GNA11: variants seen among roughly 807,000 people sequenced by gnomAD.
GNA11 encodes guanine nucleotide-binding protein subunit alpha-11.
A neutral mutation model predicts 38.2 loss-of-function variants in GNA11; 8 were observed. That is an observed-to-expected ratio of 0.21 (90% CI 0.12 to 0.38). The LOEUF (loss-of-function observed/expected upper bound fraction) is 0.38. Among genes scored for constraint, GNA11 ranks in the 10% least tolerant of loss-of-function variants. GNA11 has a pLI of 1.00. For missense variants in GNA11, 268 were observed against 516.3 expected (o/e 0.52, Z 4.66); for synonymous variants, 211 against 221.4 (o/e 0.95, Z 0.42).
In GNA11 at chr19:3,114,989, C is replaced by T. The variant is rs1329989088; in HGVS notation, c.522C>T (p.Pro174=). The T allele has an allele frequency of 3.7e-6, 6 of 1,612,902 alleles. No homozygotes were observed. The highest frequency in any genetic ancestry group is 1.1e-5 in the South Asian group (1 of 91,066). ...VDRIATLGYL[P]TQQDVLRVRV... ...GCATCGCCACCTTGGGCTACCTGCC[C>T]ACCCAGCAGGACGTGCTGCGGGTCC... Residue 174 remains proline (P), a synonymous_variant, in exon 4 of 7, where the codon CCC becomes CCT. Transcript: ENST00000078429.
chr19:3,115,127 G>T (rs926240701), intron 4 of GNA11, 55 bp downstream of exon 4: 2 of 1,579,316 alleles, frequency 1.3e-6, no homozygotes, highest in South Asian at 2.3e-5. Flanking sequence ...TCATTTGCCC[G>T]GTGTGCCGGC....
rs1176027072 is a variant in GNA11, at chr19:3,110,355, G to C, written c.321+22G>C. The C allele has an allele frequency of 1.3e-6, 2 of 1,592,382 alleles. No individual in the cohort carries two copies. The highest frequency in any genetic ancestry group is 2.7e-5 in the African/African-American group (2 of 74,634). On this transcript the variant is annotated intron_variant, in intron 2 of 6. Transcript: ENST00000078429. The surrounding 1 kb of genome is among the most constrained non-coding windows in gnomAD (Gnocchi z 5.4). ...CAAGGTGAGCCCGCGGGCGCCTGGGGAGGGGAGCGCCTGGGCAGCTGTGGG... is the reference window on the plus strand; with the variant it reads ...CAAGGTGAGCCCGCGGGCGCCTGGGCAGGGGAGCGCCTGGGCAGCTGTGGG...
rs41276844 is a variant in GNA11, at chr19:3,110,346, G to A, written c.321+13G>A. 30 of 1,597,106 alleles carry A rather than the reference G, an allele frequency of 1.9e-5. No homozygotes were observed. The highest frequency in any genetic ancestry group is 2.5e-5 in the Non-Finnish European group (29 of 1,169,518). ...CGAGCAGAACAAGGTGAGCCCGCGG[G>A]CGCCTGGGGAGGGGAGCGCCTGGGC... is the stretch of plus-strand genomic sequence containing the variant. On this transcript the variant is annotated intron_variant, in intron 2 of 6. Transcript: ENST00000078429. This position sits in a 1 kb window ranked among gnomAD's most constrained non-coding sequence, Gnocchi z 5.4.
chr19:3,102,953 C>T, intron 1 of GNA11, among the ~76,000 whole-genome samples: 1 of 152,248 alleles, frequency 6.6e-6, no homozygotes, highest in Non-Finnish European at 1.5e-5. Context: ...GTGTATCCCC[C>T]AGGTGGGGCC....
chr19:3,116,257 C>T (rs1301506189), intron 4 of GNA11, among the ~76,000 whole-genome samples: 3 of 152,190 alleles, frequency 2.0e-5, no homozygotes, highest in South Asian at 2.1e-4. Context: ...CATATAACAT[C>T]TCCAGCGCTG....
At chr19:3,102,129 C>CA (rs373790541) in intron 1 of GNA11, among the ~76,000 whole-genome samples, 9,011 of 147,752 alleles carry the variant, frequency 0.061, 415 homozygotes, top group South Asian at 0.15. Context: ...ACAAAACAAA[C>CA]AAAAAAAAAA....
Position 3,115,116 on chromosome 19 carries a change from C to T in GNA11, c.605+44C>T, listed in dbSNP as rs751411584. 6.3e-6 allele frequency: 10 copies of T among 1,593,006 alleles called. No individual in the cohort carries two copies. In the South Asian group the frequency reaches 1.0e-4, roughly 16 times the overall value. Reference sequence around the variant, plus strand: ...CAGGCGGGGAGGGGGCACTGAGAGGCTCATTTGCCCGGTGTGCCGGCTCAT... The same window carrying T: ...CAGGCGGGGAGGGGGCACTGAGAGGTTCATTTGCCCGGTGTGCCGGCTCAT... On this transcript the variant is annotated intron_variant, in intron 4 of 6. Transcript: ENST00000078429.
intron 4 of GNA11, among the ~76,000 whole-genome samples, chr19:3,116,918 C>T (rs1213981219): frequency 6.6e-6 from 1 of 152,162 alleles, no homozygotes; most frequent in Non-Finnish European, 1.5e-5. Flanking sequence ...GGGGGTGCCA[C>T]CCCCTGCCAT....
chr19:3,104,622 A>T (rs935542813), intron 1 of GNA11, among the ~76,000 whole-genome samples: 1 of 152,186 alleles, frequency 6.6e-6, no homozygotes, highest in African/African-American at 2.4e-5. Context: ...GACATGAGGG[A>T]TCCAGCACTG....
In GNA11 at chr19:3,100,928, C is replaced by T. The variant is rs185794823; in HGVS notation, c.136+6141C>T. On this transcript the variant is annotated intron_variant, in intron 1 of 6. Coordinates refer to ENST00000078429, the MANE Select transcript of GNA11 (RefSeq NM_002067.5). ...GCCCTTCCTGCTGGCTGCTTTGCAC[C>T]GAAAAGCTGCGGAGTAACCCTGGGC... is the stretch of plus-strand genomic sequence containing the variant. 1.7e-3 allele frequency among the ~76,000 whole-genome samples: 256 copies of T among 152,240 alleles called. 1 individual carries two copies. The highest frequency in any genetic ancestry group is 3.7e-3 in the Admixed American group (57 of 15,290).
chr19:3,123,256 C>T lies in GNA11; in HGVS notation c.*2077C>T, dbSNP rs554597160. 4.3e-6 allele frequency: 1 copy of T among 233,246 alleles called. No individual in the cohort carries two copies. The highest frequency in any genetic ancestry group is 8.5e-6 in the Non-Finnish European group (1 of 118,114). 14.4% of individuals were successfully genotyped at this position (233,246 alleles called of 1,614,324 possible). On this transcript the variant is annotated 3_prime_UTR_variant, in exon 7 of 7. Coordinates refer to ENST00000078429, the MANE Select transcript of GNA11 (RefSeq NM_002067.5). ...GGGCGCTGCGGGGCTAAGTATTAGG[C>T]CTTCCCAGGGAGGGGGCGTGCCAAG...
rs752848608 is a variant in GNA11 at position 3,113,456 on chromosome 19, G to C, written c.448G>C (p.Glu150Gln). The change falls in exon 3 of 7, where the codon GAG (glutamate) becomes CAG (glutamine). Residue 150 changes from glutamate to glutamine, a missense_variant. Around this residue, in one of 3 missense-constraint regions of GNA11, gnomAD observed 151 missense variants for 254.0 expected, o/e 0.59. Transcript: ENST00000078429. Reference protein sequence around the residue: ...GIQECYDRRREYQLSDSAKYY... With the variant: ...GIQECYDRRRQYQLSDSAKYY... ...CCAGGAATGCTACGACCGCAGGCGC[G>C]AGTACCAGCTCTCCGACTCTGCCAA... 6.2e-7 allele frequency: 1 copy of C among 1,610,200 alleles called. No homozygotes were observed.
rs546293036 is a variant in GNA11 at position 3,099,071 on chromosome 19, C to T, written c.136+4284C>T. On this transcript the variant is annotated intron_variant, in intron 1 of 6. Transcript: ENST00000078429. The stretch of plus-strand genomic sequence containing the variant: ...AGTGCTTTCCTCCGAGATTTAACCA[C>T]GAGAGGTTTCACTTTCTGAGTCTTG... Among the ~76,000 whole-genome samples the T allele has an allele frequency of 1.6e-4, 25 of 152,294 alleles. No individual in the cohort carries two copies. The South Asian group carries it at 3.3e-3, about 20-fold the overall frequency.
intron 1 of GNA11, among the ~76,000 whole-genome samples, chr19:3,107,014 A>G (rs1913655849): frequency 6.6e-6 from 1 of 152,210 alleles, no homozygotes; most frequent in Non-Finnish European, 1.5e-5. Flanking sequence ...AGGCAGGTAG[A>G]TCACCTGAGG....
At chr19:3,104,248 C>T (rs999750731) in intron 1 of GNA11, among the ~76,000 whole-genome samples, 3 of 152,250 alleles carry the variant, frequency 2.0e-5, no homozygotes, top group Non-Finnish European at 4.4e-5. Context: ...GCACGGACTT[C>T]GTTCCTCCTG....
At chr19:3,096,497 C>T (rs1318690372) in intron 1 of GNA11, among the ~76,000 whole-genome samples, 3 of 152,220 alleles carry the variant, frequency 2.0e-5, no homozygotes, top group African/African-American at 7.2e-5. Context: ...ACCCCCGCCG[C>T]CATCCCTGCA....
chr19:3,111,589 T>C (rs1913777248), intron 2 of GNA11, among the ~76,000 whole-genome samples: 1 of 152,234 alleles, frequency 6.6e-6, no homozygotes. Flanking sequence ...AGTGCCTTCA[T>C]GTGTGGGCTG....
At position 3,120,916 on chromosome 19, in the gene GNA11, G is replaced by A. The variant is rs529305245; in HGVS notation, c.890-73G>A. 6.9e-6 allele frequency: 8 copies of A among 1,156,540 alleles called. No homozygotes were observed. The East Asian group carries it at 1.2e-4, about 17-fold the overall frequency. The allele number at this position is 1,156,540 out of a possible 1,614,324, so 71.6% of individuals were successfully genotyped here. A position where few individuals can be genotyped will look rare whatever the true frequency, so the allele number is the denominator to read the frequency against. Reference sequence around the variant, plus strand: ...GGCCTTACTCGCTCATCCCCTGGGAGTGACAAAGGGGCCCACGAGTCCCTT... The same window carrying A: ...GGCCTTACTCGCTCATCCCCTGGGAATGACAAAGGGGCCCACGAGTCCCTT... On this transcript the variant is annotated intron_variant, in intron 6 of 6. Transcript: ENST00000078429. The surrounding 1 kb of genome is among the most constrained non-coding windows in gnomAD (Gnocchi z 5.9).
chr19:3,118,358 G>A (rs1913976936), intron 4 of GNA11: 1 of 152,866 alleles, frequency 6.5e-6, no homozygotes, highest in African/African-American at 2.4e-5. Flanking sequence ...CCTGTGCGTG[G>A]CCTGAGAGTG....
Sources: allele counts gnomAD v4.1 joint callset (sites outside exome capture counted in the v4.1 genomes callset), GRCh38; gene constraint gnomAD v4.1.1; regional missense constraint gnomAD v4.1.1; non-coding constraint Gnocchi (gnomAD v3.1); transcripts MANE v1.5; gene names NCBI Gene and HGNC (gene_info 2026-07-23, HGNC 2026-07-21).